Variants in GPRC6A observed in about 807,000 individuals in gnomAD.
The protein encoded by GPRC6A is G protein-coupled receptor class C group 6 member A, also known as G protein-coupled receptor family C group 6 member A.
A neutral mutation model predicts 47.0 loss-of-function variants in GPRC6A; 54 were observed. That is an observed-to-expected ratio of 1.15 (90% confidence interval 0.92 to 1.44). The LOEUF is 1.44. Among genes scored for constraint, GPRC6A ranks in the 40% most tolerant of loss-of-function variants. GPRC6A has a pLI of 0.00. For synonymous variants in GPRC6A, 347 were observed against 377.1 expected, an observed-to-expected ratio of 0.92 and a Z score of 0.93; for missense variants, 1,112 against 1,105.5, an observed-to-expected ratio of 1.01 and a Z score of -0.08.
Position 116,792,559 on chromosome 6 carries a change from C to T in GPRC6A, c.2364G>A (p.Met788Ile). ...YNEAKFITFG[M>I]LIYFIAWITF... Reference sequence around the variant, plus strand: ...TGATCCAAGCTATGAAGTAAATGAGCATGCCAAATGTAATGAATTTGGCTT... The same window carrying T: ...TGATCCAAGCTATGAAGTAAATGAGTATGCCAAATGTAATGAATTTGGCTT... The change falls in exon 6 of 6, where the codon ATG (methionine) becomes ATA (isoleucine). Residue 788 changes from methionine (M) to isoleucine (I), a missense_variant. Physicochemically the swap from Met to Ile is conservative, Grantham distance 10. Transcript: ENST00000310357. 2 of 1,612,290 alleles carry T rather than the reference C, an allele frequency of 1.2e-6. No individual in the cohort carries two copies. The highest frequency in any genetic ancestry group is 1.7e-6 in the Non-Finnish European group (2 of 1,178,922).
chr6:116,795,209 T>G (rs142661801), intron 5 of GPRC6A, among the ~76,000 whole-genome samples: 156 of 152,320 alleles, frequency 1.0e-3, no homozygotes, highest in African/African-American at 3.4e-3. Flanking sequence ...GTTGGTCCCT[T>G]GTCTCACAGA....
chr6:116,792,285 T>G lies in GPRC6A; in HGVS notation c.2638A>C (p.Met880Leu). Residue 880 changes from methionine to leucine, a missense_variant, in exon 6 of 6, where the codon ATG becomes CTG. By Grantham distance (15) the Met-to-Leu change is conservative. Coordinates refer to ENST00000310357, the MANE Select transcript of GPRC6A (RefSeq NM_148963.4). ...SLDSMSGNVTMTNPSSSGKSA... is the reference protein window; with the variant it reads ...SLDSMSGNVTLTNPSSSGKSA... ...TTGCCACTAGAGCTGGGATTGGTCA[T>G]TGTGACATTGCCGCTCATGGAGTCC... is the stretch of plus-strand genomic sequence containing the variant. 1 of 1,614,042 alleles carries G rather than the reference T, an allele frequency of 6.2e-7. No homozygotes were observed. The highest frequency in any genetic ancestry group is 1.1e-5 in the South Asian group (1 of 91,080).
At position 116,792,469 on chromosome 6, in the gene GPRC6A, T is replaced by A; in HGVS notation, c.2454A>T (p.Ile818=). The A allele has an allele frequency of 2.5e-6, 4 of 1,613,772 alleles. No homozygotes were observed. The highest frequency in any genetic ancestry group is 3.4e-6 in the Non-Finnish European group (4 of 1,179,740). The change falls in exon 6 of 6, where the codon ATA becomes ATT. Residue 818 remains isoleucine, a synonymous_variant. Coordinates refer to ENST00000310357, the MANE Select transcript of GPRC6A (RefSeq NM_148963.4). ...ACAGGATTCCATAGTTAGATATTAA[T>A]ATGACAATAATCTCCACAGCTGGTA... is the stretch of plus-strand genomic sequence containing the variant. ...KYVPAVEIIV[I]LISNYGILYC...
chr6:116,795,513 T>G (rs1772453837), intron 5 of GPRC6A, among the ~76,000 whole-genome samples, 199 bp downstream of exon 5: 1 of 152,200 alleles, frequency 6.6e-6, no homozygotes, highest in Non-Finnish European at 1.5e-5. Context: ...ACATCTCTAT[T>G]ATTTATTTGC....
intron 1 of GPRC6A, among the ~76,000 whole-genome samples, chr6:116,826,154 C>T (rs1773669880): frequency 6.6e-6 from 1 of 151,558 alleles, no homozygotes; most frequent in Admixed American, 6.6e-5. Context: ...CGGGTAAGAC[C>T]TCAAAAGCAC....
At chr6:116,824,734 T>C (rs919689560) in intron 1 of GPRC6A, among the ~76,000 whole-genome samples, 2 of 152,008 alleles carry the variant, frequency 1.3e-5, no homozygotes, top group African/African-American at 4.8e-5. Flanking sequence ...TCTCTCTAAC[T>C]CATTCTATGA....
chr6:116,798,887 A>G (rs1280548812), intron 4 of GPRC6A, among the ~76,000 whole-genome samples: 1 of 151,362 alleles, frequency 6.6e-6, no homozygotes, highest in Non-Finnish European at 1.5e-5. Flanking sequence ...CATCTTGGAA[A>G]AAAAAAAAAA....
intron 1 of GPRC6A, among the ~76,000 whole-genome samples, chr6:116,818,970 G>C (rs1046846211): frequency 1.5e-4 from 23 of 152,100 alleles, no homozygotes; most frequent in African/African-American, 5.5e-4. Flanking sequence ...CCCATCTCAC[G>C]TGCAGAGACA....
At chr6:116,827,482 G>T (rs1168366282) in intron 1 of GPRC6A, among the ~76,000 whole-genome samples, 3 of 152,028 alleles carry the variant, frequency 2.0e-5, no homozygotes, top group African/African-American at 7.2e-5. Context: ...TGGTGTGCCA[G>T]TGCCTATAAT....
In GPRC6A at chr6:116,792,246, G is replaced by T; in HGVS notation, c.2677C>A (p.Gln893Lys). The change falls in exon 6 of 6, where the codon CAG becomes AAG. Residue 893 changes from glutamine to lysine, a missense_variant. Coordinates refer to ENST00000310357, the MANE Select transcript of GPRC6A (RefSeq NM_148963.4). ...PSSSGKSATWQKSKDLQAQAF... is the reference protein window; with the variant it reads ...PSSSGKSATWKKSKDLQAQAF... The stretch of plus-strand genomic sequence containing the variant: ...TGTGCCTGAAGATCTTTGCTTTTCT[G>T]CCAGGTTGCAGACTTGCCACTAGAG... 1 of 1,613,966 alleles carries T rather than the reference G, an allele frequency of 6.2e-7. No individual in the cohort carries two copies. The highest frequency in any genetic ancestry group is 1.1e-5 in the South Asian group (1 of 91,072).
At chr6:116,800,437 A>C (rs1355345915) in intron 4 of GPRC6A, 147 bp downstream of exon 4, 1 of 518,384 alleles carries the variant, frequency 1.9e-6, no homozygotes, top group African/African-American at 1.9e-5. Context: ...ACTTCAGCTA[A>C]ATAGGAGCTA....
intron 1 of GPRC6A, among the ~76,000 whole-genome samples, chr6:116,819,987 G>A (rs976444068): frequency 6.0e-5 from 9 of 150,224 alleles, no homozygotes; most frequent in Non-Finnish European, 1.3e-4. Flanking sequence ...AAAAAAGAGA[G>A]AAGAATCAAA....
At chr6:116,827,960 T>A (rs1041529278) in intron 1 of GPRC6A, among the ~76,000 whole-genome samples, 13 of 151,946 alleles carry the variant, frequency 8.6e-5, no homozygotes, top group African/African-American at 2.4e-4. Context: ...CATAGAAACA[T>A]AAAAATAGAA....
rs1772351368 is a variant in GPRC6A at position 116,792,718 on chromosome 6, G to A, written c.2205C>T (p.Ser735=). The stretch of plus-strand genomic sequence containing the variant: ...ACTCCAGGATGATGACTCTGGGCAA[G>A]GAGACATTCACCTCTACAGTAGGTG... ...FAAPTVEVNV[S]LPRVIILECE... is the part of the protein sequence containing the mutation. Residue 735 remains serine, a synonymous_variant, in exon 6 of 6, where the codon TCC becomes TCT. Transcript: ENST00000310357. The A allele has an allele frequency of 6.2e-7, 1 of 1,613,034 alleles. No homozygotes were observed.
chr6:116,807,323 G>T, intron 2 of GPRC6A, 117 bp from the exon 3 acceptor site: 1 of 664,632 alleles, frequency 1.5e-6, no homozygotes, highest in Non-Finnish European at 2.6e-6. Flanking sequence ...AAATTCTCTA[G>T]TCTTTTTCAT....
Position 116,809,516 on chromosome 6 carries a change from A to G in GPRC6A, c.296T>C (p.Ile99Thr), listed in dbSNP as rs1582465238. The G allele has an allele frequency of 1.2e-6, 2 of 1,613,494 alleles. No individual in the cohort carries two copies. The highest frequency in any genetic ancestry group is 4.5e-5 in the East Asian group (2 of 44,874). ...TGTGACTTCTGTACAAGTGTCATAG[A>G]TTTCATACCCCAGTTTGACTCCAGG... ...LLPGVKLGYEIYDTCTEVTVA... is the reference protein window; with the variant it reads ...LLPGVKLGYETYDTCTEVTVA... Residue 99 changes from isoleucine to threonine, a missense_variant, in exon 2 of 6, where the codon ATC becomes ACC. Physicochemically the swap from Ile to Thr is moderately conservative, Grantham distance 89. Transcript: ENST00000310357.
At chr6:116,819,403 A>G (rs1296791734) in intron 1 of GPRC6A, among the ~76,000 whole-genome samples, 2 of 151,496 alleles carry the variant, frequency 1.3e-5, no homozygotes, top group African/African-American at 4.9e-5. Context: ...AACAGAATAT[A>G]CATTTTTTTC....
chr6:116,825,040 T>G (rs1251376758), intron 1 of GPRC6A, among the ~76,000 whole-genome samples: 2 of 152,044 alleles, frequency 1.3e-5, no homozygotes, highest in African/African-American at 4.8e-5. Flanking sequence ...TACAACACCT[T>G]TCATGATAAA....
chr6:116,796,632 A>G (rs1315587081), intron 4 of GPRC6A, among the ~76,000 whole-genome samples: 4 of 152,146 alleles, frequency 2.6e-5, no homozygotes, highest in Non-Finnish European at 5.9e-5. Flanking sequence ...ATAATTTCCT[A>G]CTCTGGAACA....
Sources: gnomAD v4.1 joint callset for allele counts (sites outside exome capture counted in the v4.1 genomes callset) on GRCh38, gnomAD v4.1.1 for gene constraint, MANE v1.5 for transcripts, NCBI Gene and HGNC (gene_info 2026-07-23, HGNC 2026-07-21) for gene names.